RAD51B: variants seen among roughly 807,000 people sequenced by gnomAD.
The protein encoded by RAD51B is DNA repair protein RAD51 homolog 2.
RAD51B carries 38 observed loss-of-function variants against 42.2 expected under a neutral mutation model. The ratio of observed to expected loss-of-function variants is 0.90; its 90% CI spans 0.70 to 1.18. The LOEUF is 1.18. Among genes scored for constraint, RAD51B ranks in the 50% most tolerant of loss-of-function variants. The probability of loss-of-function intolerance (pLI) is 0.00; values close to 1 mark genes in which losing one functional copy is unlikely to be tolerated. For synonymous variants in RAD51B, 154 were observed against 145.2 expected (o/e 1.06, Z -0.43); for missense variants, 373 against 400.7 (o/e 0.93, Z 0.59).
At chr14:68,277,638 G>A (rs1040605371) in intron 7 of RAD51B, among the ~76,000 whole-genome samples, 3 of 152,058 alleles carry the variant, frequency 2.0e-5, no homozygotes, top group Non-Finnish European at 4.4e-5. Flanking sequence ...TATATGGCCC[G>A]TTCATTATTT....
chr14:67,858,671 C>CT (rs924230948), intron 4 of RAD51B, among the ~76,000 whole-genome samples: 3 of 152,194 alleles, frequency 2.0e-5, no homozygotes, highest in African/African-American at 7.2e-5. Flanking sequence ...AACAGGAAGA[C>CT]AAGTTCTCAC....
chr14:68,336,276 C>T (rs934154199), intron 8 of RAD51B, among the ~76,000 whole-genome samples: 14 of 152,180 alleles, frequency 9.2e-5, no homozygotes, highest in African/African-American at 3.4e-4. Context: ...CAAAACTGTC[C>T]TATCTTCCTT....
chr14:68,334,822 T>TATATC (rs1202671760), intron 8 of RAD51B, among the ~76,000 whole-genome samples: 2 of 149,752 alleles, frequency 1.3e-5, no homozygotes, highest in South Asian at 2.1e-4. Flanking sequence ...ATAGGATAGA[T>TATATC]ATATATTTTA....
chr14:68,257,465 AT>A (rs1394744430), intron 7 of RAD51B, among the ~76,000 whole-genome samples: 3 of 152,310 alleles, frequency 2.0e-5, no homozygotes, highest in Non-Finnish European at 4.4e-5. Flanking sequence ...GTGTCTAAAA[AT>A]GGAAGAATTA....
At chr14:68,469,972 C>A (rs1256983637) in intron 10 of RAD51B, among the ~76,000 whole-genome samples, 1 of 152,080 alleles carries the variant, frequency 6.6e-6, no homozygotes. Flanking sequence ...CTCTGATGTT[C>A]ATTGCTAAGA....
At chr14:67,863,150 ATTTTTT>A (rs5809367) in intron 4 of RAD51B, among the ~76,000 whole-genome samples, 1 of 74,030 alleles carries the variant, frequency 1.4e-5, no homozygotes, top group Non-Finnish European at 2.8e-5. Context: ...AAATATGGGA[ATTTTTT>A]TTTTTTTTTT....
At chr14:68,258,030 A>G (rs1387356973) in intron 7 of RAD51B, among the ~76,000 whole-genome samples, 6 of 152,210 alleles carry the variant, frequency 3.9e-5, no homozygotes, top group Non-Finnish European at 7.3e-5. Flanking sequence ...GAATATTCAT[A>G]AAACCCTGAG....
intron 10 of RAD51B, among the ~76,000 whole-genome samples, chr14:68,473,098 C>T (rs2086166743): frequency 6.6e-6 from 1 of 152,208 alleles, no homozygotes; most frequent in African/African-American, 2.4e-5. Context: ...AGTAACCTAT[C>T]AAAATGTTTT....
intron 8 of RAD51B, among the ~76,000 whole-genome samples, chr14:68,393,464 C>G (rs185442732): frequency 9.8e-5 from 15 of 152,320 alleles, no homozygotes; most frequent in South Asian, 4.1e-4. Context: ...CATCTTCTAT[C>G]CCCTGGGGTA....
chr14:67,931,656 C>G (rs993331892), intron 7 of RAD51B, among the ~76,000 whole-genome samples: 21 of 151,978 alleles, frequency 1.4e-4, no homozygotes, highest in African/African-American at 4.8e-4. Flanking sequence ...GTGCCCACCA[C>G]CACGCCTGGC....
chr14:68,202,571 G>A (rs1028251159), intron 7 of RAD51B, among the ~76,000 whole-genome samples: 11 of 120,216 alleles, frequency 9.2e-5, no homozygotes, highest in African/African-American at 3.4e-4. Flanking sequence ...ATGAAGCAAC[G>A]TCTTTTTTTT....
chr14:68,196,847 A>C (rs2079383164), intron 7 of RAD51B, among the ~76,000 whole-genome samples: 1 of 152,226 alleles, frequency 6.6e-6, no homozygotes, highest in Admixed American at 6.5e-5. Flanking sequence ...ACAAAGGTGA[A>C]TAAAACATAG....
chr14:68,098,064 A>T (rs750467484), intron 7 of RAD51B, among the ~76,000 whole-genome samples: 3 of 152,192 alleles, frequency 2.0e-5, no homozygotes, highest in Non-Finnish European at 2.9e-5. Flanking sequence ...ATAGACATTT[A>T]TGTACAGTCT....
chr14:67,865,783 C>T (rs1566931491), intron 5 of RAD51B, among the ~76,000 whole-genome samples: 1 of 151,960 alleles, frequency 6.6e-6, no homozygotes, highest in Non-Finnish European at 1.5e-5. Context: ...TGTGATCCGC[C>T]TGCCTTGGCC....
At chr14:68,671,805 C>A (rs1444317548) in intron 11 of RAD51B, among the ~76,000 whole-genome samples, 1 of 146,446 alleles carries the variant, frequency 6.8e-6, no homozygotes, top group African/African-American at 2.5e-5. Context: ...ATACTGATGG[C>A]TTTGACTGGT....
At chr14:68,164,408 T>C (rs1405086036) in intron 7 of RAD51B, among the ~76,000 whole-genome samples, 2 of 152,326 alleles carry the variant, frequency 1.3e-5, no homozygotes, top group East Asian at 3.9e-4. Flanking sequence ...TCCTTTTGAA[T>C]TGTGAAAACT....
At chr14:67,998,759 A>G (rs573644093) in intron 7 of RAD51B, among the ~76,000 whole-genome samples, 5 of 152,260 alleles carry the variant, frequency 3.3e-5, no homozygotes, top group Admixed American at 1.3e-4. Context: ...TAGATATTCA[A>G]TGAGGTCTCT....
intron 7 of RAD51B, among the ~76,000 whole-genome samples, chr14:68,239,220 C>A (rs1006725383): frequency 6.6e-6 from 1 of 152,164 alleles, no homozygotes; most frequent in African/African-American, 2.4e-5. Context: ...TGTGGTTAGA[C>A]ACCTGTCCTT....
chr14:68,261,299 T>C lies in RAD51B; in HGVS notation c.757-30585T>C, dbSNP rs115314127. ...AAGAGATCTGTGTGAAAGAATGCTC[T>C]CCCTTTTCCTTTTGTGGTGATTGTG... On this transcript the variant is annotated intron_variant, in intron 7 of 10. Coordinates refer to ENST00000471583, the MANE Select transcript of RAD51B (RefSeq NM_133510.4). Among the ~76,000 whole-genome samples the C allele has an allele frequency of 1.8e-3, 273 of 152,370 alleles. 1 individual carries two copies. The highest frequency in any genetic ancestry group is 6.4e-3 in the African/African-American group (267 of 41,584).
Sources: allele counts gnomAD v4.1 joint callset (sites outside exome capture counted in the v4.1 genomes callset), GRCh38; gene constraint gnomAD v4.1.1; transcripts MANE v1.5; gene names NCBI Gene and HGNC (gene_info 2026-07-23, HGNC 2026-07-21).